RSPO4: variants seen among roughly 807,000 people sequenced by gnomAD.
The protein encoded by RSPO4 is R-spondin-4.
RSPO4 carries 23 observed loss-of-function variants against 24.8 expected under a neutral mutation model. The ratio of observed to expected loss-of-function variants is 0.93; its 90% CI spans 0.67 to 1.31. RSPO4 has a LOEUF of 1.31. Ranked by LOEUF, RSPO4 falls within the 40% of genes most tolerant of loss-of-function variation. RSPO4 has a pLI of 0.00. For missense variants in RSPO4, 333 were observed against 316.5 expected (o/e 1.05, Z -0.39); for synonymous variants, 141 against 127.4 (o/e 1.11, Z -0.72).
rs1321881090 is a variant in RSPO4 at position 970,531 on chromosome 20, G to A, written c.80-2393C>T. Among the ~76,000 whole-genome samples the A allele has an allele frequency of 5.3e-5, 8 of 152,266 alleles. No homozygotes were observed. The highest frequency in any genetic ancestry group is 1.2e-4 in the Non-Finnish European group (8 of 68,028). On this transcript the variant is annotated intron_variant, in intron 1 of 4. Coordinates refer to ENST00000217260, the MANE Select transcript of RSPO4 (RefSeq NM_001029871.4). The surrounding 1 kb of genome is among the most constrained non-coding windows in gnomAD (Gnocchi z 4.1). Reference sequence around the variant, plus strand: ...GCCCTGGGATAAGAAACTGCAACAGGAGAGCAGAATAAAGATTTTTGTGCC... The same window carrying A: ...GCCCTGGGATAAGAAACTGCAACAGAAGAGCAGAATAAAGATTTTTGTGCC...
chr20:984,255 C>T (rs1984832154), intron 1 of RSPO4, among the ~76,000 whole-genome samples: 1 of 152,150 alleles, frequency 6.6e-6, no homozygotes, highest in Non-Finnish European at 1.5e-5. Flanking sequence ...AGGAGAATCA[C>T]TTGAACCTGG....
At chr20:984,900 C>CCCATCCAT (rs145687007) in intron 1 of RSPO4, among the ~76,000 whole-genome samples, 4 of 147,216 alleles carry the variant, frequency 2.7e-5, no homozygotes, top group African/African-American at 1.0e-4. Context: ...TCTATCCATC[C>CCCATCCAT]CCATCCATCC....
chr20:981,753 A>G lies in RSPO4; in HGVS notation c.80-13615T>C, dbSNP rs1251999686. The stretch of plus-strand genomic sequence containing the variant: ...GTGCCGACACACGAGACCCCTGTCT[A>G]AAGGATCTGCCTGTCCCCACATTAA... On this transcript the variant is annotated intron_variant, in intron 1 of 4. Coordinates refer to ENST00000217260, the MANE Select transcript of RSPO4 (RefSeq NM_001029871.4). The surrounding 1 kb of genome is among the most constrained non-coding windows in gnomAD (Gnocchi z 4.6). Among the ~76,000 whole-genome samples, 1 of 152,094 alleles carries G rather than the reference A, an allele frequency of 6.6e-6. No homozygotes were observed. The highest frequency in any genetic ancestry group is 2.4e-5 in the African/African-American group (1 of 41,424).
chr20:964,805 T>TATATATACACATATATAC (rs1984139116), intron 3 of RSPO4, among the ~76,000 whole-genome samples: 2 of 89,070 alleles, frequency 2.2e-5, no homozygotes, highest in African/African-American at 6.7e-5. Flanking sequence ...TATACACACA[T>TATATATACACATATATAC]ACACACACAC....
intron 1 of RSPO4, among the ~76,000 whole-genome samples, chr20:982,796 A>C (rs1030505415): frequency 2.6e-5 from 4 of 152,214 alleles, no homozygotes; most frequent in African/African-American, 9.6e-5. Flanking sequence ...CTGGCTGCTA[A>C]TTCCCTCTCC....
chr20:970,836 T>C lies in RSPO4; in HGVS notation c.80-2698A>G, dbSNP rs1358778637. ...TCTCTTTTCTTTTTGTGTTAAAAAG[T>C]TTTTTTGTTTGTTTTGTTTTGTTAA... is the stretch of plus-strand genomic sequence containing the variant. On this transcript the variant is annotated intron_variant, in intron 1 of 4. Transcript: ENST00000217260. This position sits in a 1 kb window ranked among gnomAD's most constrained non-coding sequence, Gnocchi z 4.1. 6.6e-6 allele frequency among the ~76,000 whole-genome samples: 1 copy of C among 152,142 alleles called. No homozygotes were observed. The highest frequency in any genetic ancestry group is 1.5e-5 in the Non-Finnish European group (1 of 68,016).
chr20:989,809 C>G (rs894740171), intron 1 of RSPO4, among the ~76,000 whole-genome samples: 3 of 152,202 alleles, frequency 2.0e-5, no homozygotes, highest in Admixed American at 2.0e-4. Flanking sequence ...CCAAGATAAG[C>G]AGCTACAGGC....
At chr20:971,636 C>T (rs991209327) in intron 1 of RSPO4, among the ~76,000 whole-genome samples, 10 of 152,028 alleles carry the variant, frequency 6.6e-5, no homozygotes, top group African/African-American at 2.2e-4. Context: ...ATAGTAAGAG[C>T]CATTTATATA....
chr20:976,646 T>G (rs1984573865), intron 1 of RSPO4, among the ~76,000 whole-genome samples: 1 of 152,028 alleles, frequency 6.6e-6, no homozygotes, highest in African/African-American at 2.4e-5. Flanking sequence ...CTGCCTTCAC[T>G]CTGCAGAACT....
intron 1 of RSPO4, among the ~76,000 whole-genome samples, chr20:983,043 G>A (rs1026659696): frequency 3.3e-5 from 5 of 152,262 alleles, no homozygotes; most frequent in Non-Finnish European, 5.9e-5. Context: ...GGAAGGGTGG[G>A]AGGAAACCTT....
Position 963,829 on chromosome 20 carries a change from C to T in RSPO4, c.595+106G>A, listed in dbSNP as rs6118385. ...ACATGATAGTATGGCTAATGGTGGC[C>T]TTTCAGGCAGTCTCATAGATACTAT... On this transcript the variant is annotated intron_variant, in intron 4 of 4. Coordinates refer to ENST00000217260, the MANE Select transcript of RSPO4 (RefSeq NM_001029871.4). The T allele has an allele frequency of 1.3e-3, 1,562 of 1,197,558 alleles. 19 individuals carry two copies. In the African/African-American group the frequency reaches 0.02, roughly 15 times the overall value. 74.2% of individuals were successfully genotyped at this position (1,197,558 alleles called of 1,614,324 possible).
In RSPO4 at chr20:960,453, G is replaced by T; in HGVS notation, c.609C>A (p.Gly203=). The T allele has an allele frequency of 6.5e-7, 1 of 1,539,282 alleles. No individual in the cohort carries two copies. The highest frequency in any genetic ancestry group is 1.4e-5 in the African/African-American group (1 of 73,212). Residue 203 remains glycine (G), a synonymous_variant, in exon 5 of 5, where the codon GGC becomes GGA. Coordinates refer to ENST00000217260, the MANE Select transcript of RSPO4 (RefSeq NM_001029871.4). ...GCCGGTCCTTCCTGCCCTTCTTCTG[G>T]CCGGGGCTCCTCTCTGCAATGAGAG... The part of the protein sequence containing the change: ...QRPCPGERSP[G]QKKGRKDRRP...
At chr20:998,267 G>C (rs55951069) in intron 1 of RSPO4, among the ~76,000 whole-genome samples, 6,404 of 152,136 alleles carry the variant, frequency 0.042, 165 homozygotes, top group African/African-American at 0.072. Context: ...TCACAGGCTG[G>C]CATCTCCTCC....
intron 1 of RSPO4, among the ~76,000 whole-genome samples, chr20:995,287 T>A (rs1985239328): frequency 6.6e-6 from 1 of 152,186 alleles, no homozygotes; most frequent in Non-Finnish European, 1.5e-5. Flanking sequence ...AAGTCTACCG[T>A]AGGCAGGATT....
Position 968,077 on chromosome 20 carries a change from A to G in RSPO4, c.141T>C (p.Cys47=). 6.2e-7 allele frequency: 1 copy of G among 1,614,024 alleles called. No individual in the cohort carries two copies. The highest frequency in any genetic ancestry group is 8.5e-7 in the Non-Finnish European group (1 of 1,180,024). The change falls in exon 2 of 5, where the codon TGT becomes TGC. Residue 47 remains cysteine (C), a synonymous_variant. Transcript: ENST00000217260. ...GGAAGAGCCTCTGCTGGCAGGTGGA[A>G]CAGCCGTTCTCCTCTGAGCAGATGA... ...GCIICSEENG[C]STCQQRLFLF...
Position 981,932 on chromosome 20 carries a change from C to G in RSPO4, c.80-13794G>C, listed in dbSNP as rs927468721. Among the ~76,000 whole-genome samples the G allele has an allele frequency of 5.3e-5, 8 of 152,182 alleles. No homozygotes were observed. Among genetic ancestry groups the G allele is most frequent in the African/African-American group, 1.9e-4 (8 of 41,448 alleles). On this transcript the variant is annotated intron_variant, in intron 1 of 4. Coordinates refer to ENST00000217260, the MANE Select transcript of RSPO4 (RefSeq NM_001029871.4). This position sits in a 1 kb window ranked among gnomAD's most constrained non-coding sequence, Gnocchi z 4.6. ...AACCAAATCTCTGCTTCCCCATTCT[C>G]CTGGACCTGCCCTGGACCACATCTA...
intron 1 of RSPO4, among the ~76,000 whole-genome samples, chr20:977,016 AT>A (rs1165316614): frequency 6.6e-6 from 1 of 152,090 alleles, no homozygotes; most frequent in African/African-American, 2.4e-5. Flanking sequence ...TCCCTATTGT[AT>A]TTCAGATACT....
At chr20:964,254 G>A in intron 3 of RSPO4, 134 bp from the exon 4 acceptor site, 1 of 669,844 alleles carries the variant, frequency 1.5e-6, no homozygotes, top group Non-Finnish European at 2.5e-6. Flanking sequence ...CCTGCTAGGA[G>A]CAGAGTTATT....
In RSPO4 at chr20:967,156, G is replaced by A. The variant is rs150554763; in HGVS notation, c.409+18C>T. On this transcript the variant is annotated intron_variant, in intron 3 of 4. Transcript: ENST00000217260. ...GAGAGGGGAGGGGCAGGGGCAGGGC[G>A]GGGAGGTCCCCACTCACCCTGGCAC... 182 of 1,610,866 alleles carry A rather than the reference G, an allele frequency of 1.1e-4. No homozygotes were observed. The highest frequency in any genetic ancestry group is 1.4e-4 in the Non-Finnish European group (168 of 1,178,796).
Sources: gnomAD v4.1 joint callset for allele counts (sites outside exome capture counted in the v4.1 genomes callset) on GRCh38, gnomAD v4.1.1 for gene constraint, Gnocchi (gnomAD v3.1) non-coding constraint, MANE v1.5 for transcripts, NCBI Gene and HGNC (gene_info 2026-07-23, HGNC 2026-07-21) for gene names.